CACNA2D3: variants seen among roughly 807,000 people sequenced by gnomAD.
CACNA2D3 encodes voltage-dependent calcium channel subunit alpha-2/delta-3.
Under a neutral mutation model 160.6 loss-of-function variants are expected in CACNA2D3, and 60 were observed. The observed-to-expected ratio is 0.37, with a 90% confidence interval of 0.30 to 0.46. CACNA2D3 has a LOEUF of 0.46. Ranked by LOEUF, CACNA2D3 falls within the 20% of genes least tolerant of loss-of-function variation. CACNA2D3 has a pLI of 1.00. For synonymous variants in CACNA2D3, 558 were observed against 492.9 expected (o/e 1.13, Z -1.75); for missense variants, 1,205 against 1,365.0 (o/e 0.88, Z 1.85).
chr3:54,720,639 A>G (rs1226998040), intron 11 of CACNA2D3, among the ~76,000 whole-genome samples: 2 of 152,092 alleles, frequency 1.3e-5, no homozygotes, highest in Non-Finnish European at 2.9e-5. Flanking sequence ...ATTCAGATCT[A>G]GTCTCTACTG....
At chr3:54,225,388 C>T (rs1191911938) in intron 2 of CACNA2D3, among the ~76,000 whole-genome samples, 1 of 152,208 alleles carries the variant, frequency 6.6e-6, no homozygotes, top group African/African-American at 2.4e-5. Context: ...TTAAAAAGTG[C>T]TTCCTACCGG....
chr3:54,253,799 A>T (rs1702241444), intron 2 of CACNA2D3, among the ~76,000 whole-genome samples: 1 of 151,896 alleles, frequency 6.6e-6, no homozygotes, highest in African/African-American at 2.4e-5. Flanking sequence ...TTTGAGACAG[A>T]GTCTATTGCC....
intron 5 of CACNA2D3, among the ~76,000 whole-genome samples, chr3:54,550,716 C>G (rs113860578): frequency 9.2e-5 from 14 of 152,232 alleles, no homozygotes; most frequent in African/African-American, 3.4e-4. Flanking sequence ...AGGGGCATGC[C>G]CCTCCCCTTG....
At chr3:54,167,199 C>T (rs1259597160) in intron 2 of CACNA2D3, among the ~76,000 whole-genome samples, 1 of 152,162 alleles carries the variant, frequency 6.6e-6, no homozygotes, top group Non-Finnish European at 1.5e-5. Flanking sequence ...GTGTTCCCCA[C>T]TAGGTCATAA....
intron 3 of CACNA2D3, among the ~76,000 whole-genome samples, chr3:54,323,383 G>A (rs1457702286): frequency 6.6e-6 from 1 of 152,010 alleles, no homozygotes; most frequent in African/African-American, 2.4e-5. Flanking sequence ...GTGAGACAAG[G>A]TGGGGTCCTT....
chr3:54,129,148 T>G (rs1699656557), intron 2 of CACNA2D3, among the ~76,000 whole-genome samples: 1 of 152,238 alleles, frequency 6.6e-6, no homozygotes, highest in Admixed American at 6.5e-5. Context: ...CTGAAGTGGT[T>G]GTTCTATAAT....
intron 13 of CACNA2D3, among the ~76,000 whole-genome samples, chr3:54,805,110 A>G (rs1703087039): frequency 6.6e-6 from 1 of 152,258 alleles, no homozygotes; most frequent in African/African-American, 2.4e-5. Flanking sequence ...GAAAGATCCA[A>G]AATTGACACC....
chr3:54,832,398 G>C (rs1703900764), intron 14 of CACNA2D3, among the ~76,000 whole-genome samples: 1 of 152,172 alleles, frequency 6.6e-6, no homozygotes, highest in African/African-American at 2.4e-5. Flanking sequence ...ACGGGGTGAA[G>C]AGGACTTTCC....
chr3:54,556,956 A>G (rs887668194), intron 5 of CACNA2D3, among the ~76,000 whole-genome samples: 1 of 152,004 alleles, frequency 6.6e-6, no homozygotes, highest in African/African-American at 2.4e-5. Flanking sequence ...TCTGTCAGTG[A>G]TGTTGGGAAA....
intron 31 of CACNA2D3, among the ~76,000 whole-genome samples, chr3:54,993,553 C>G (rs537560161): frequency 2.8e-4 from 42 of 152,268 alleles, no homozygotes; most frequent in African/African-American, 9.4e-4. Context: ...AAGGAAAGAG[C>G]AAGAGCCTTC....
intron 13 of CACNA2D3, among the ~76,000 whole-genome samples, chr3:54,809,074 C>CT: frequency 6.6e-6 from 1 of 152,072 alleles, no homozygotes; most frequent in Non-Finnish European, 1.5e-5. Context: ...CTCTAGAGTT[C>CT]AGAGACGCTA....
chr3:54,816,424 C>T (rs911129723), intron 13 of CACNA2D3, among the ~76,000 whole-genome samples: 2 of 152,270 alleles, frequency 1.3e-5, no homozygotes, highest in African/African-American at 4.8e-5. Flanking sequence ...CAACAGCTCT[C>T]GCTCCCTTCC....
intron 11 of CACNA2D3, among the ~76,000 whole-genome samples, chr3:54,732,490 G>C (rs1055246959): frequency 2.6e-5 from 4 of 152,150 alleles, no homozygotes; most frequent in Non-Finnish European, 4.4e-5. Context: ...AATGGGACTA[G>C]GTCATTGATA....
chr3:54,948,762 C>T (rs992123954), intron 27 of CACNA2D3, among the ~76,000 whole-genome samples: 1 of 152,188 alleles, frequency 6.6e-6, no homozygotes, highest in African/African-American at 2.4e-5. Flanking sequence ...TGTGACAGAT[C>T]TCTATACATG....
chr3:54,937,061 C>T (rs948457997), intron 27 of CACNA2D3, among the ~76,000 whole-genome samples: 8 of 152,086 alleles, frequency 5.3e-5, no homozygotes, highest in African/African-American at 1.4e-4. Context: ...GAGCAGTGCC[C>T]GTGTTCACCC....
At position 54,945,757 on chromosome 3, in the gene CACNA2D3, T is replaced by C. The variant is rs113850539; in HGVS notation, c.2450-22693T>C. ...GGCAGCCTTGCTTTTTTCAAGATTA[T>C]AGGTGTCCTGGGCCATTGTATGTTG... On this transcript the variant is annotated intron_variant, in intron 27 of 37. Transcript: ENST00000474759. Among the ~76,000 whole-genome samples, 819 of 152,260 alleles carry C rather than the reference T, an allele frequency of 5.4e-3. 4 individuals carry two copies. The highest frequency in any genetic ancestry group is 0.019 in the African/African-American group (785 of 41,542).
chr3:54,381,633 G>A (rs1699104312), intron 3 of CACNA2D3, among the ~76,000 whole-genome samples: 1 of 152,224 alleles, frequency 6.6e-6, no homozygotes, highest in South Asian at 2.1e-4. Context: ...GTGTCGCGGG[G>A]AGGAAACGGG....
intron 27 of CACNA2D3, among the ~76,000 whole-genome samples, chr3:54,948,100 G>A (rs1701660187): frequency 6.6e-6 from 1 of 152,166 alleles, no homozygotes; most frequent in African/African-American, 2.4e-5. Flanking sequence ...CACCCATCAA[G>A]TGCTCTCGAC....
chr3:54,237,246 A>G (rs1701896686), intron 2 of CACNA2D3, among the ~76,000 whole-genome samples: 1 of 152,080 alleles, frequency 6.6e-6, no homozygotes, highest in Admixed American at 6.5e-5. Context: ...TCATGTCCCT[A>G]GAAGGAATAG....
Sources: allele counts gnomAD v4.1 joint callset (sites outside exome capture counted in the v4.1 genomes callset), GRCh38; gene constraint gnomAD v4.1.1; transcripts MANE v1.5; gene names NCBI Gene and HGNC (gene_info 2026-07-23, HGNC 2026-07-21).